The following EXOC4 variants were observed in gnomAD, a reference collection of about 807,000 sequenced individuals.
The protein encoded by EXOC4 is SEC8-like 1.
Under a neutral mutation model 107.2 loss-of-function variants are expected in EXOC4, and 71 were observed. That is an observed-to-expected ratio of 0.66 (90% CI 0.55 to 0.81). EXOC4 has a LOEUF of 0.81. Among genes scored for constraint, EXOC4 ranks in the 30% least tolerant of loss-of-function variants. The probability of loss-of-function intolerance (pLI) is 0.00; values close to 1 mark genes in which losing one functional copy is unlikely to be tolerated. For synonymous variants in EXOC4, 456 were observed against 441.2 expected (o/e 1.03, Z -0.42); for missense variants, 1,108 against 1,189.6 (o/e 0.93, Z 1.01).
At chr7:133,687,961 C>G (rs1562908272) in intron 10 of EXOC4, among the ~76,000 whole-genome samples, 1 of 152,054 alleles carries the variant, frequency 6.6e-6, no homozygotes, top group Non-Finnish European at 1.5e-5. Flanking sequence ...CTCTAACAAA[C>G]TGTGTGTATA....
chr7:133,472,145 T>C (rs1006375733), intron 7 of EXOC4, among the ~76,000 whole-genome samples: 2 of 152,204 alleles, frequency 1.3e-5, no homozygotes, highest in Non-Finnish European at 2.9e-5. Context: ...CTTGGAAATA[T>C]GTACTAAAGT....
intron 6 of EXOC4, among the ~76,000 whole-genome samples, chr7:133,370,714 G>A (rs1312838696): frequency 6.6e-6 from 1 of 152,184 alleles, no homozygotes; most frequent in East Asian, 1.9e-4. Flanking sequence ...GGGGTCGCAA[G>A]ATTTATTTTC....
At chr7:133,308,103 GA>G (rs1307347605) in intron 4 of EXOC4, among the ~76,000 whole-genome samples, 1 of 152,106 alleles carries the variant, frequency 6.6e-6, no homozygotes, top group Admixed American at 6.5e-5. Flanking sequence ...GATGTGGAGG[GA>G]AAAACTTTTC....
intron 10 of EXOC4, among the ~76,000 whole-genome samples, chr7:133,700,073 A>G (rs1745437223): frequency 6.6e-6 from 1 of 152,200 alleles, no homozygotes; most frequent in African/African-American, 2.4e-5. Context: ...GCTACAATCC[A>G]CATGACACTA....
intron 4 of EXOC4, among the ~76,000 whole-genome samples, chr7:133,316,938 A>G (rs966360676): frequency 6.6e-6 from 1 of 152,248 alleles, no homozygotes; most frequent in Non-Finnish European, 1.5e-5. Context: ...TAATACAGAT[A>G]CAAAGGAGGA....
chr7:133,740,767 T>C (rs1585114856), intron 10 of EXOC4, among the ~76,000 whole-genome samples: 1 of 152,312 alleles, frequency 6.6e-6, no homozygotes, highest in East Asian at 1.9e-4. Flanking sequence ...AGTTTACATA[T>C]GTCATTTAAT....
chr7:133,919,247 A>G lies in EXOC4; in HGVS notation c.2027+1509A>G, dbSNP rs756141586. On this transcript the variant is annotated intron_variant, in intron 13 of 17. Transcript: ENST00000253861. ...GAAGGAGCAATTTTAGGTTTACAGAAAAACTTGAACAAAAAGTACAGAGTT... is the reference window on the plus strand; with the variant it reads ...GAAGGAGCAATTTTAGGTTTACAGAGAAACTTGAACAAAAAGTACAGAGTT... Among the ~76,000 whole-genome samples the G allele has an allele frequency of 2.4e-4, 37 of 152,296 alleles. 1 individual carries two copies. Among genetic ancestry groups the G allele is most frequent in the South Asian group, 1.4e-3 (7 of 4,832 alleles).
intron 5 of EXOC4, among the ~76,000 whole-genome samples, chr7:133,354,230 A>G (rs574291059): frequency 6.6e-6 from 1 of 151,864 alleles, no homozygotes; most frequent in East Asian, 1.9e-4. Flanking sequence ...GTTGTTGAAA[A>G]CTGGGCATTT....
Position 133,982,829 on chromosome 7 carries a change from A to G in EXOC4, c.2207-14663A>G, listed in dbSNP as rs532504386. Among the ~76,000 whole-genome samples the G allele has an allele frequency of 1.3e-4, 20 of 152,284 alleles. No individual in the cohort carries two copies. In the South Asian group the frequency reaches 4.2e-3, roughly 32 times the overall value. On this transcript the variant is annotated intron_variant, in intron 14 of 17. Coordinates refer to ENST00000253861, the MANE Select transcript of EXOC4 (RefSeq NM_021807.4). ...CAGGTCAGTCCGCCTCCAAAGGACC[A>G]CCTTCCTGTTCACTATACTTGGTAC...
chr7:133,986,348 A>G (rs555900634), intron 14 of EXOC4, among the ~76,000 whole-genome samples: 1 of 152,370 alleles, frequency 6.6e-6, no homozygotes, highest in South Asian at 2.1e-4. Context: ...GTAGAAACAT[A>G]GCAAAAGAAC....
intron 1 of EXOC4, among the ~76,000 whole-genome samples, chr7:133,255,211 T>C (rs553654341): frequency 4.6e-4 from 70 of 152,058 alleles, no homozygotes; most frequent in Non-Finnish European, 9.9e-4. Context: ...AGAGTCTTGC[T>C]CTGTCCCCAG....
intron 9 of EXOC4, among the ~76,000 whole-genome samples, chr7:133,574,254 T>C (rs1393913893): frequency 6.6e-6 from 1 of 152,152 alleles, no homozygotes; most frequent in Non-Finnish European, 1.5e-5. Flanking sequence ...CATAATCATA[T>C]ACTCATGTAT....
intron 9 of EXOC4, among the ~76,000 whole-genome samples, chr7:133,487,917 T>C (rs1319224519): frequency 6.6e-6 from 1 of 152,200 alleles, no homozygotes; most frequent in Non-Finnish European, 1.5e-5. Context: ...CACAAGAAAG[T>C]ATATTTTTGG....
intron 17 of EXOC4, among the ~76,000 whole-genome samples, chr7:134,014,343 C>CA (rs1418282346): frequency 1.3e-5 from 2 of 152,150 alleles, no homozygotes; most frequent in Non-Finnish European, 2.9e-5. Context: ...GCAGAGCTTG[C>CA]AGTCAGCCGA....
chr7:133,293,870 G>A (rs1248892295), intron 3 of EXOC4, among the ~76,000 whole-genome samples: 1 of 152,156 alleles, frequency 6.6e-6, no homozygotes, highest in Non-Finnish European at 1.5e-5. Flanking sequence ...TAATATTGTA[G>A]CCTGTAGCTT....
chr7:133,561,069 G>A lies in EXOC4; in HGVS notation c.1418-68976G>A, dbSNP rs551718845. ...TACTAGGACAGTCATTATGTACCTG[G>A]TTGAGGCAAGAGGGTGACAGATGTT... On this transcript the variant is annotated intron_variant, in intron 9 of 17. Transcript: ENST00000253861. 2.6e-5 allele frequency among the ~76,000 whole-genome samples: 4 copies of A among 152,222 alleles called. No individual in the cohort carries two copies. In the East Asian group the frequency reaches 5.8e-4, roughly 22 times the overall value.
chr7:133,408,175 G>A (rs998722666), intron 7 of EXOC4, among the ~76,000 whole-genome samples: 2 of 151,712 alleles, frequency 1.3e-5, no homozygotes, highest in Admixed American at 6.6e-5. Flanking sequence ...TAGTGATGAT[G>A]GAGGTCATGT....
At chr7:133,871,338 G>T (rs1465258425) in intron 11 of EXOC4, among the ~76,000 whole-genome samples, 1 of 151,384 alleles carries the variant, frequency 6.6e-6, no homozygotes, top group Non-Finnish European at 1.5e-5. Context: ...CACAAACCAG[G>T]ACCCCTCCAT....
At chr7:133,837,552 T>C (rs1797942629) in intron 11 of EXOC4, among the ~76,000 whole-genome samples, 4 of 152,228 alleles carry the variant, frequency 2.6e-5, no homozygotes, top group Middle Eastern at 3.2e-3. Context: ...ATTTTCTTCC[T>C]GCTAAGTCCT....
Sources: allele counts gnomAD v4.1 joint callset (sites outside exome capture counted in the v4.1 genomes callset), GRCh38; gene constraint gnomAD v4.1.1; transcripts MANE v1.5; gene names NCBI Gene and HGNC (gene_info 2026-07-23, HGNC 2026-07-21).